The following ZNF333 variants were observed in gnomAD, a reference collection of about 807,000 sequenced individuals.
ZNF333 encodes zinc finger protein 333.
A neutral mutation model predicts 76.1 loss-of-function variants in ZNF333; 61 were observed. The ratio of observed to expected loss-of-function variants is 0.80; its 90% CI spans 0.65 to 0.99. The LOEUF (loss-of-function observed/expected upper bound fraction) is 0.99. ZNF333 is among the 50% of genes least tolerant of loss of function. The pLI is 0.00. For missense variants in ZNF333, 717 were observed against 822.4 expected, an observed-to-expected ratio of 0.87 and a Z score of 1.57; for synonymous variants, 284 against 305.0, an observed-to-expected ratio of 0.93 and a Z score of 0.72.
intron 9 of ZNF333, 128 bp downstream of exon 9, chr19:14,716,366 C>A: frequency 9.1e-7 from 1 of 1,095,546 alleles, no homozygotes; most frequent in Non-Finnish European, 1.3e-6. Context: ...TCAGGTGATC[C>A]TCCCACCCCA....
At chr19:14,699,371 G>A in intron 5 of ZNF333, 90 bp downstream of exon 5, 1 of 1,145,238 alleles carries the variant, frequency 8.7e-7, no homozygotes, top group Non-Finnish European at 1.3e-6. Flanking sequence ...CCAGGGAGAT[G>A]TTAGCAGCAT....
At chr19:14,705,903 C>T (rs181315656) in intron 6 of ZNF333, among the ~76,000 whole-genome samples, 294 of 152,268 alleles carry the variant, frequency 1.9e-3, no homozygotes, top group Middle Eastern at 6.8e-3. Context: ...AAACTGGTCC[C>T]TGGTGCCAAA....
intron 7 of ZNF333, chr19:14,708,572 G>T (rs2042186232): frequency 2.6e-6 from 1 of 379,368 alleles, no homozygotes; most frequent in Non-Finnish European, 4.7e-6. Flanking sequence ...CTGATAATGG[G>T]CTACTGCAGC....
At chr19:14,722,910 T>C (rs1171593266), downstream of ZNF333, among the ~76,000 whole-genome samples, 3 of 152,162 alleles carry the variant, frequency 2.0e-5, no homozygotes, top group African/African-American at 7.2e-5. Flanking sequence ...CTCAGCCTCC[T>C]GAGTAGCTGG....
intron 7 of ZNF333, chr19:14,709,171 A>T (rs985918323): frequency 2.0e-5 from 3 of 153,192 alleles, no homozygotes; most frequent in Non-Finnish European, 4.4e-5. Flanking sequence ...CATGATTGTA[A>T]GTTTCTCGAG....
chr19:14,701,474 T>G, intron 5 of ZNF333: 1 of 622,432 alleles, frequency 1.6e-6, no homozygotes, highest in Non-Finnish European at 2.0e-6. Context: ...GGGCATTCTG[T>G]GTGTCATGTA....
At position 14,720,739 on chromosome 19, in the gene ZNF333, T is replaced by C; in HGVS notation, c.*1414T>C. On this transcript the variant is annotated 3_prime_UTR_variant, in exon 12 of 12. Transcript: ENST00000292530. Reference sequence around the variant, plus strand: ...TGTATTGTATTCTACAAATGTCTGCTAGATCAAGCAAATGTGTTTAAAAAC... The same window carrying C: ...TGTATTGTATTCTACAAATGTCTGCCAGATCAAGCAAATGTGTTTAAAAAC... 1.0e-6 allele frequency: 1 copy of C among 985,406 alleles called. No homozygotes were observed. Among genetic ancestry groups the C allele is most frequent in the Non-Finnish European group, 1.2e-6 (1 of 829,920 alleles). The allele number at this position is 985,406 out of a possible 1,614,324, so 61.0% of individuals were successfully genotyped here. A position where few individuals can be genotyped will look rare whatever the true frequency, so the allele number is the denominator to read the frequency against.
Position 14,718,776 on chromosome 19 carries a change from T to C in ZNF333, c.1449T>C (p.Cys483=), listed in dbSNP as rs779088162. 10 of 1,613,744 alleles carry C rather than the reference T, an allele frequency of 6.2e-6. No individual in the cohort carries two copies. In the Admixed American group the frequency reaches 1.7e-4, roughly 27 times the overall value. The stretch of plus-strand genomic sequence containing the variant: ...AGAAGCCCTTTGAATGCAGCCAGTG[T>C]GGGAAAGCCTTCAGGGAACACTCTT... The part of the protein sequence containing the change: ...TGEKPFECSQ[C]GKAFREHSSL... Residue 483 remains cysteine, a synonymous_variant, in exon 12 of 12, where the codon TGT becomes TGC. Coordinates refer to ENST00000292530, the MANE Select transcript of ZNF333 (RefSeq NM_032433.4).
chr19:14,709,646 C>T (rs557429627), intron 7 of ZNF333, among the ~76,000 whole-genome samples: 1 of 152,218 alleles, frequency 6.6e-6, no homozygotes, highest in Admixed American at 6.5e-5. Context: ...AGGGTGAAGC[C>T]CTGAACCAAC....
intron 1 of ZNF333, among the ~76,000 whole-genome samples, chr19:14,692,917 G>A (rs1163637355): frequency 2.0e-5 from 3 of 150,882 alleles, no homozygotes; most frequent in Non-Finnish European, 1.5e-5. Context: ...CCGCCTCCTG[G>A]GTTCAAGCAA....
At chr19:14,693,343 T>C (rs1213627010) in intron 1 of ZNF333, 108 bp from the exon 2 acceptor site, 33 of 747,058 alleles carry the variant, frequency 4.4e-5, no homozygotes, top group Non-Finnish European at 6.3e-5. Flanking sequence ...CTTATGGAGA[T>C]AAATGTCCTG....
chr19:14,711,899 G>A (rs192623763), intron 7 of ZNF333, among the ~76,000 whole-genome samples: 144 of 152,212 alleles, frequency 9.5e-4, no homozygotes, highest in Middle Eastern at 3.4e-3. Context: ...GCGAAGAAAG[G>A]GAAGGGGTCC....
chr19:14,729,096 T>C (rs1336417230), intron 11 of ZNF333, among the ~76,000 whole-genome samples: 1 of 152,132 alleles, frequency 6.6e-6, no homozygotes, highest in Non-Finnish European at 1.5e-5. Flanking sequence ...TGTGAGTTAT[T>C]GATTAGTGCC....
chr19:14,720,659 G>C lies in ZNF333; in HGVS notation c.*1334G>C. ...TTTCACCTGAATATAATTCCTAACT[G>C]ATGCACTTAGTATATGTCAGTTTTT... On this transcript the variant is annotated 3_prime_UTR_variant, in exon 12 of 12. Transcript: ENST00000292530. The C allele has an allele frequency of 1.0e-6, 1 of 985,328 alleles. No homozygotes were observed. The highest frequency in any genetic ancestry group is 1.2e-6 in the Non-Finnish European group (1 of 829,922). 61.0% of individuals were successfully genotyped at this position (985,328 alleles called of 1,614,324 possible).
At chr19:14,703,219 A>AG (rs1198409670) in intron 5 of ZNF333, among the ~76,000 whole-genome samples, 1 of 151,740 alleles carries the variant, frequency 6.6e-6, no homozygotes, top group Non-Finnish European at 1.5e-5. Context: ...AAAAAAAAAA[A>AG]AAACCATCAG....
chr19:14,712,065 T>C (rs573519827), intron 7 of ZNF333, among the ~76,000 whole-genome samples: 5 of 151,846 alleles, frequency 3.3e-5, no homozygotes, highest in African/African-American at 1.2e-4. Flanking sequence ...TGGGGGTGAG[T>C]ACCGCCATGT....
rs189955200 is a variant in ZNF333, at chr19:14,693,338, G to A, written c.-41-113G>A. ...CCTTGGGGGCCAACATGTTGCTTAT[G>A]GAGATAAATGTCCTGTAAGGGTTTT... On this transcript the variant is annotated intron_variant, in intron 1 of 11. Coordinates refer to ENST00000292530, the MANE Select transcript of ZNF333 (RefSeq NM_032433.4). The A allele has an allele frequency of 7.4e-6, 5 of 674,888 alleles. No homozygotes were observed. The Admixed American group carries it at 1.6e-4, about 21-fold the overall frequency. The allele number at this position is 674,888 out of a possible 1,614,324, so 41.8% of individuals were successfully genotyped here. A position where few individuals can be genotyped will look rare whatever the true frequency, so the allele number is the denominator to read the frequency against.
intron 7 of ZNF333, 72 bp downstream of exon 7, chr19:14,706,845 TC>T: frequency 7.5e-7 from 1 of 1,337,314 alleles, no homozygotes; most frequent in Non-Finnish European, 1.0e-6. Context: ...GGAACTTGTA[TC>T]CTATCCTGCC....
At position 14,718,535 on chromosome 19, in the gene ZNF333, T is replaced by G; in HGVS notation, c.1208T>G (p.Phe403Cys). The G allele has an allele frequency of 1.2e-6, 2 of 1,614,202 alleles. No individual in the cohort carries two copies. The highest frequency in any genetic ancestry group is 1.3e-5 in the African/African-American group (1 of 75,050). Residue 403 changes from phenylalanine (F) to cysteine (C), a missense_variant, in exon 12 of 12, where the codon TTC becomes TGC. Transcript: ENST00000292530. ...GACTGTCAAGAATGTGGGCAAGCCT[T>G]CAAATATTCCTCGAATCTCCGGCGA... Reference protein sequence around the residue: ...CFDCQECGQAFKYSSNLRRHM... With the variant: ...CFDCQECGQACKYSSNLRRHM...
Sources: gnomAD v4.1 joint callset for allele counts (sites outside exome capture counted in the v4.1 genomes callset) on GRCh38, gnomAD v4.1.1 for gene constraint, MANE v1.5 for transcripts, NCBI Gene and HGNC (gene_info 2026-07-23, HGNC 2026-07-21) for gene names.